GPM6A: variants seen among roughly 807,000 people sequenced by gnomAD.
GPM6A encodes neuronal membrane glycoprotein M6-a.
Under a neutral mutation model 32.1 loss-of-function variants are expected in GPM6A, and 7 were observed. The ratio of observed to expected loss-of-function variants is 0.22; its 90% confidence interval spans 0.12 to 0.41. The LOEUF (loss-of-function observed/expected upper bound fraction) is 0.41, where lower values mean the gene tolerates loss of function less well. Among genes scored for constraint, GPM6A ranks in the 10% least tolerant of loss-of-function variants. GPM6A has a pLI of 1.00. For missense variants in GPM6A, 235 were observed against 347.2 expected, an observed-to-expected ratio of 0.68 and a Z score of 2.57; for synonymous variants, 130 against 123.4, an observed-to-expected ratio of 1.05 and a Z score of -0.35.
chr4:175,956,644 T>A (rs1739995821), intron 1 of GPM6A, among the ~76,000 whole-genome samples: 1 of 152,148 alleles, frequency 6.6e-6, no homozygotes, highest in African/African-American at 2.4e-5. Flanking sequence ...CACAGAGGTG[T>A]TCAATTGATT....
chr4:175,843,148 C>T (rs915155036), intron 1 of GPM6A, among the ~76,000 whole-genome samples: 4 of 151,986 alleles, frequency 2.6e-5, no homozygotes, highest in Non-Finnish European at 5.9e-5. Context: ...TTGATCTATA[C>T]CCATGAGCAC....
intron 1 of GPM6A, chr4:175,962,228 A>G: frequency 7.6e-7 from 1 of 1,324,358 alleles, no homozygotes; most frequent in Non-Finnish European, 1.1e-6. Context: ...TGGTGGAACA[A>G]GAGAACATTG....
At chr4:175,729,158 C>T (rs1382129372) in intron 1 of GPM6A, among the ~76,000 whole-genome samples, 1 of 152,166 alleles carries the variant, frequency 6.6e-6, no homozygotes, top group Non-Finnish European at 1.5e-5. Flanking sequence ...AATCTCTGTA[C>T]CAGAACAGTT....
At chr4:175,744,394 A>C (rs755259341) in intron 1 of GPM6A, among the ~76,000 whole-genome samples, 1 of 152,042 alleles carries the variant, frequency 6.6e-6, no homozygotes, top group Non-Finnish European at 1.5e-5. Context: ...TAAATGCATA[A>C]ATTTTAAAAT....
At chr4:175,945,707 T>TATATTATAATTAAGTAATACGGGTAC (rs1739575053) in intron 1 of GPM6A, among the ~76,000 whole-genome samples, 1 of 150,138 alleles carries the variant, frequency 6.7e-6, no homozygotes, top group South Asian at 2.1e-4. Flanking sequence ...ACTTGTAAGT[T>TATATTATAATTAAGTAATACGGGTAC]ATATTACTTA....
At position 175,849,085 on chromosome 4, in the gene GPM6A, G is replaced by T. The variant is rs372356401; in HGVS notation, c.-22-36836C>A. Among the ~76,000 whole-genome samples, 428 of 152,236 alleles carry T rather than the reference G, an allele frequency of 2.8e-3. 10 individuals are homozygous for T. In the South Asian group the frequency reaches 0.064, roughly 23 times the overall value. ...AATATGTAATTCATTTTATAAATTT[G>T]TATAGATTTAAGAGTGTAAAAATGT... On this transcript the variant is annotated intron_variant, in intron 1 of 7. Transcript: ENST00000280187.
Position 175,643,572 on chromosome 4 carries a change from TA to T in GPM6A, c.542-2744del, listed in dbSNP as rs200706516. Among the ~76,000 whole-genome samples the T allele has an allele frequency of 2.7e-3, 402 of 150,338 alleles. 2 individuals are homozygous for T. Among genetic ancestry groups the T allele is most frequent in the African/African-American group, 9.5e-3 (389 of 41,086 alleles). ...GCTCAGTGCAATTTTTCTACATCAT[TA>T]AAAAAAAATACTATCGTTACAGTAG... is the stretch of plus-strand genomic sequence containing the variant. On this transcript the variant is annotated intron_variant, in intron 4 of 6. Transcript: ENST00000393658.
intron 6 of GPM6A, among the ~76,000 whole-genome samples, chr4:175,636,768 C>T (rs1241957504): frequency 6.7e-6 from 1 of 148,868 alleles, no homozygotes; most frequent in Non-Finnish European, 1.5e-5. Context: ...TCTCCTCTAG[C>T]CTGGGCAACA....
At chr4:175,842,609 G>A (rs1046778033) in intron 1 of GPM6A, among the ~76,000 whole-genome samples, 1 of 152,206 alleles carries the variant, frequency 6.6e-6, no homozygotes. Flanking sequence ...CAGCCACCCT[G>A]AAGGCTGAGC....
intron 1 of GPM6A, among the ~76,000 whole-genome samples, chr4:175,804,880 C>T (rs1734623615): frequency 6.6e-6 from 1 of 151,880 alleles, no homozygotes. Context: ...GCTGTCTCTA[C>T]TAAAAACACA....
intron 3 of GPM6A, among the ~76,000 whole-genome samples, chr4:175,665,778 A>G (rs1742717218): frequency 6.6e-6 from 1 of 151,468 alleles, no homozygotes; most frequent in Non-Finnish European, 1.5e-5. Context: ...GCAAAACTCC[A>G]TTTAAAAAAA....
At chr4:175,804,962 G>A (rs977498708) in intron 1 of GPM6A, among the ~76,000 whole-genome samples, 3 of 152,012 alleles carry the variant, frequency 2.0e-5, no homozygotes, top group African/African-American at 4.8e-5. Context: ...GGAGAATGGC[G>A]TGAACCTGGG....
intron 3 of GPM6A, among the ~76,000 whole-genome samples, chr4:175,662,324 G>T (rs576860344): frequency 6.6e-6 from 1 of 152,088 alleles, no homozygotes; most frequent in Admixed American, 6.5e-5. Flanking sequence ...GCTAGGCCAG[G>T]CTCGGTGGCT....
chr4:175,993,620 C>G (rs1413648795), intron 1 of GPM6A, among the ~76,000 whole-genome samples: 8 of 152,138 alleles, frequency 5.3e-5, no homozygotes, highest in Admixed American at 2.0e-4. Context: ...ATACATTATA[C>G]TTTTTAAATT....
At chr4:175,878,134 G>C (rs1262516038) in intron 1 of GPM6A, among the ~76,000 whole-genome samples, 1 of 152,210 alleles carries the variant, frequency 6.6e-6, no homozygotes, top group East Asian at 1.9e-4. Flanking sequence ...TGCCCCTGTA[G>C]CTTTGCAGGG....
chr4:175,964,486 G>A (rs911706157), intron 1 of GPM6A, among the ~76,000 whole-genome samples: 1 of 152,206 alleles, frequency 6.6e-6, no homozygotes, highest in African/African-American at 2.4e-5. Flanking sequence ...GGAAGTTCAA[G>A]ATCAAAGTGC....
chr4:175,931,686 ACACACACAC>A (rs1560999548), intron 1 of GPM6A, among the ~76,000 whole-genome samples: 1 of 147,526 alleles, frequency 6.8e-6, no homozygotes, highest in Non-Finnish European at 1.5e-5. Context: ...ACACACACAC[ACACACACAC>A]ACACACACAC....
At chr4:175,644,340 G>A (rs1051455332) in intron 4 of GPM6A, among the ~76,000 whole-genome samples, 4 of 151,822 alleles carry the variant, frequency 2.6e-5, no homozygotes, top group African/African-American at 9.7e-5. Flanking sequence ...TCTTCCTTCT[G>A]AGGAGGCAAG....
intron 1 of GPM6A, among the ~76,000 whole-genome samples, chr4:175,712,737 G>A (rs911702614): frequency 2.0e-5 from 3 of 152,114 alleles, no homozygotes; most frequent in African/African-American, 7.2e-5. Flanking sequence ...AGCAGCATGG[G>A]CACGGAATCA....
Sources: allele counts gnomAD v4.1 joint callset (sites outside exome capture counted in the v4.1 genomes callset), GRCh38; gene constraint gnomAD v4.1.1; transcripts MANE v1.5; gene names NCBI Gene and HGNC (gene_info 2026-07-23, HGNC 2026-07-21).